Variants in TRAPPC9 observed in about 807,000 individuals in gnomAD.
TRAPPC9 encodes trafficking protein particle complex subunit 9.
Under a neutral mutation model 124.0 loss-of-function variants are expected in TRAPPC9, and 83 were observed. The ratio of observed to expected loss-of-function variants is 0.67; its 90% CI spans 0.56 to 0.80. The LOEUF (loss-of-function observed/expected upper bound fraction) is 0.80, where lower values mean the gene tolerates loss of function less well. Among genes scored for constraint, TRAPPC9 ranks in the 30% least tolerant of loss-of-function variants. The pLI is 0.00. For synonymous variants in TRAPPC9, 638 were observed against 617.5 expected, an observed-to-expected ratio of 1.03 and a Z score of -0.49; for missense variants, 1,302 against 1,508.3, an observed-to-expected ratio of 0.86 and a Z score of 2.27.
chr8:139,837,504 C>T (rs1160628563), intron 21 of TRAPPC9, among the ~76,000 whole-genome samples: 1 of 152,234 alleles, frequency 6.6e-6, no homozygotes, highest in Admixed American at 6.5e-5. Flanking sequence ...CACGCTCCCC[C>T]ACCAGCCCCC....
intron 9 of TRAPPC9, among the ~76,000 whole-genome samples, chr8:140,355,164 T>C (rs2067701922): frequency 1.3e-5 from 2 of 152,226 alleles, no homozygotes; most frequent in African/African-American, 4.8e-5. Context: ...AATCACAGTG[T>C]GCGTCCCCTT....
rs779601874 is a variant in TRAPPC9, at chr8:139,731,184, G to A, written c.3324C>T (p.Phe1108=). The A allele has an allele frequency of 7.6e-5, 123 of 1,613,740 alleles. No individual in the cohort carries two copies. Among genetic ancestry groups the A allele is most frequent in the Middle Eastern group, 5.0e-4 (3 of 6,054 alleles). Residue 1108 remains phenylalanine (F), a synonymous_variant, in exon 23 of 23, where the codon TTC becomes TTT. Transcript: ENST00000438773. ...GGAGGAAGAAGTCTCCCGTGTAGAG[G>A]AAGAGGAGGGCCCCGAGGCAGGCCG... ...GQSACLGALL[F]LYTGDFFLHI...
rs1471672178 is a variant in TRAPPC9, at chr8:139,727,738, T to G, written c.*3323A>C. Among the ~76,000 whole-genome samples, 1 of 152,222 alleles carries G rather than the reference T, an allele frequency of 6.6e-6. No homozygotes were observed. The highest frequency in any genetic ancestry group is 1.5e-5 in the Non-Finnish European group (1 of 68,044). On this transcript the variant is annotated 3_prime_UTR_variant, in exon 23 of 23. Transcript: ENST00000438773. ...ACAGGTCCGGACTTTGCTTGAATAC[T>G]TCTATTGACAAAGAGCTCACTCCAT...
intron 19 of TRAPPC9, 145 bp from the exon 20 acceptor site, chr8:139,910,445 A>T (rs1831652379): frequency 1.1e-6 from 1 of 929,662 alleles, no homozygotes; most frequent in Non-Finnish European, 1.7e-6. Flanking sequence ...CAAGAAAATG[A>T]AATAATAGAC....
At chr8:140,150,248 G>A (rs1178925777) in intron 17 of TRAPPC9, among the ~76,000 whole-genome samples, 2 of 152,176 alleles carry the variant, frequency 1.3e-5, no homozygotes, top group African/African-American at 4.8e-5. Context: ...AGGAGCTCGA[G>A]ACCAGCCAGG....
intron 16 of TRAPPC9, among the ~76,000 whole-genome samples, chr8:140,246,715 G>A (rs2063996139): frequency 1.3e-5 from 2 of 151,072 alleles, no homozygotes; most frequent in South Asian, 4.2e-4. Context: ...GGGCATGGTG[G>A]CTCACACTTG....
At chr8:139,841,790 C>A (rs1464748450) in intron 21 of TRAPPC9, among the ~76,000 whole-genome samples, 1 of 152,238 alleles carries the variant, frequency 6.6e-6, no homozygotes, top group Non-Finnish European at 1.5e-5. Context: ...ACCCAGCCCC[C>A]TAAAGCACCC....
At chr8:140,381,329 C>T (rs2068601848) in intron 7 of TRAPPC9, among the ~76,000 whole-genome samples, 1 of 151,874 alleles carries the variant, frequency 6.6e-6, no homozygotes, top group African/African-American at 2.4e-5. Flanking sequence ...ATATAATGAA[C>T]TCTTACAGCT....
chr8:140,001,080 CG>C (rs909058622), intron 18 of TRAPPC9, among the ~76,000 whole-genome samples: 2 of 152,052 alleles, frequency 1.3e-5, no homozygotes, highest in African/African-American at 4.8e-5. Flanking sequence ...ATGTCCTTTT[CG>C]GGGACATGGA....
chr8:140,273,928 T>C (rs2065039701), intron 15 of TRAPPC9, among the ~76,000 whole-genome samples: 2 of 152,178 alleles, frequency 1.3e-5, no homozygotes, highest in African/African-American at 2.4e-5. Flanking sequence ...AATGCTACTC[T>C]TCTGCCATCT....
chr8:140,356,815 G>T (rs2067765995), intron 9 of TRAPPC9, among the ~76,000 whole-genome samples: 1 of 134,218 alleles, frequency 7.5e-6, no homozygotes, highest in African/African-American at 4.0e-5. Context: ...TCACTATGTT[G>T]TCCAGGCTAG....
chr8:139,816,619 G>A (rs1824857484), intron 21 of TRAPPC9, among the ~76,000 whole-genome samples: 1 of 150,590 alleles, frequency 6.6e-6, no homozygotes, highest in South Asian at 2.1e-4. Context: ...AGTGTTCTCT[G>A]GGACCCAACT....
At chr8:139,826,200 C>T (rs1825620718) in intron 21 of TRAPPC9, among the ~76,000 whole-genome samples, 1 of 152,158 alleles carries the variant, frequency 6.6e-6, no homozygotes, top group Non-Finnish European at 1.5e-5. Context: ...AGGCTAAAAG[C>T]CAGACTCTGG....
chr8:139,913,629 A>G (rs1831902875), intron 19 of TRAPPC9, among the ~76,000 whole-genome samples: 1 of 152,176 alleles, frequency 6.6e-6, no homozygotes, highest in South Asian at 2.1e-4. Context: ...ACTGCTTCCC[A>G]CATTTACAAT....
intron 9 of TRAPPC9, among the ~76,000 whole-genome samples, chr8:140,326,248 A>T (rs1441038484): frequency 6.6e-6 from 1 of 150,904 alleles, no homozygotes; most frequent in Non-Finnish European, 1.5e-5. Context: ...AAGAAGAAGA[A>T]GTTGGGGGTT....
chr8:140,375,412 T>C (rs1443715340), intron 7 of TRAPPC9, among the ~76,000 whole-genome samples: 1 of 152,178 alleles, frequency 6.6e-6, no homozygotes, highest in South Asian at 2.1e-4. Flanking sequence ...CACCATTCCA[T>C]TTCCAAGTAG....
At chr8:140,010,500 GAA>G (rs1474798970) in intron 18 of TRAPPC9, among the ~76,000 whole-genome samples, 1 of 152,124 alleles carries the variant, frequency 6.6e-6, no homozygotes, top group African/African-American at 2.4e-5. Context: ...AAGATGAATG[GAA>G]AAAGATTAAT....
intron 17 of TRAPPC9, among the ~76,000 whole-genome samples, chr8:140,210,198 C>T (rs2063024227): frequency 6.6e-6 from 1 of 152,230 alleles, no homozygotes; most frequent in African/African-American, 2.4e-5. Context: ...CATCAGCTGG[C>T]CCAGGGCCGA....
chr8:140,213,859 T>C (rs2063125409), intron 17 of TRAPPC9, among the ~76,000 whole-genome samples: 1 of 152,222 alleles, frequency 6.6e-6, no homozygotes, highest in South Asian at 2.1e-4. Context: ...CAGAGCAGTA[T>C]TGCACATGGA....
Sources: gnomAD v4.1 joint callset for allele counts (sites outside exome capture counted in the v4.1 genomes callset) on GRCh38, gnomAD v4.1.1 for gene constraint, MANE v1.5 for transcripts, NCBI Gene and HGNC (gene_info 2026-07-23, HGNC 2026-07-21) for gene names.